The following ARHGAP42 variants were observed in gnomAD, a reference collection of about 807,000 sequenced individuals.
ARHGAP42 encodes Rho GTPase activating protein 42.
ARHGAP42 carries 63 observed loss-of-function variants against 125.0 expected under a neutral mutation model. The ratio of observed to expected loss-of-function variants is 0.50; its 90% confidence interval spans 0.41 to 0.62. ARHGAP42 has a LOEUF of 0.62. Ranked by LOEUF, ARHGAP42 falls within the 20% of genes least tolerant of loss-of-function variation. The probability of loss-of-function intolerance (pLI) is 0.00; values close to 1 mark genes in which losing one functional copy is unlikely to be tolerated. For missense variants in ARHGAP42, 766 were observed against 1,024.2 expected (o/e 0.75, Z 3.44); for synonymous variants, 339 against 351.0 (o/e 0.97, Z 0.38).
At chr11:100,741,304 TA>T (rs1480670656) in intron 1 of ARHGAP42, among the ~76,000 whole-genome samples, 1 of 152,192 alleles carries the variant, frequency 6.6e-6, no homozygotes, top group African/African-American at 2.4e-5. Context: ...GTGCTGGGAT[TA>T]CAGGCGTGAG....
rs990245832 is a variant in ARHGAP42 at position 100,988,444 on chromosome 11, A to G, written c.2537-269A>G. Among the ~76,000 whole-genome samples, 28 of 152,228 alleles carry G rather than the reference A, an allele frequency of 1.8e-4. 1 individual carries two copies. The highest frequency in any genetic ancestry group is 7.2e-5 in the African/African-American group (3 of 41,470). ...AATATATAGTATAACAACTATTTACATAGTATTTACATTGTAAAAGGAATT... is the reference window on the plus strand; with the variant it reads ...AATATATAGTATAACAACTATTTACGTAGTATTTACATTGTAAAAGGAATT... On this transcript the variant is annotated intron_variant, in intron 23 of 23. Transcript: ENST00000298815.
intron 1 of ARHGAP42, among the ~76,000 whole-genome samples, chr11:100,749,414 C>G (rs766118963): frequency 4.0e-5 from 6 of 151,322 alleles, no homozygotes; most frequent in Non-Finnish European, 7.4e-5. Context: ...AAGACTAAAC[C>G]CTCAAACCAG....
intron 19 of ARHGAP42, 99 bp downstream of exon 19, chr11:100,974,702 T>C: frequency 8.1e-7 from 1 of 1,238,102 alleles, no homozygotes; most frequent in Non-Finnish European, 1.1e-6. Flanking sequence ...ATGTTCTCAC[T>C]GATGCTCTTT....
chr11:100,754,786 T>C (rs1156850663), intron 1 of ARHGAP42, among the ~76,000 whole-genome samples: 1 of 152,206 alleles, frequency 6.6e-6, no homozygotes, highest in Non-Finnish European at 1.5e-5. Flanking sequence ...CTACGTAGCT[T>C]TATTCTGTTA....
At chr11:100,941,277 G>T (rs1187744851) in intron 8 of ARHGAP42, among the ~76,000 whole-genome samples, 1 of 152,080 alleles carries the variant, frequency 6.6e-6, no homozygotes, top group African/African-American at 2.4e-5. Context: ...AATGTGGGAG[G>T]CCACTCACTT....
chr11:100,843,965 A>G (rs763768593), intron 3 of ARHGAP42, among the ~76,000 whole-genome samples: 1 of 152,182 alleles, frequency 6.6e-6, no homozygotes, highest in Non-Finnish European at 1.5e-5. Flanking sequence ...TTCATATGGA[A>G]CCAAAAAAAT....
chr11:100,947,646 T>A (rs1331340606), intron 10 of ARHGAP42, among the ~76,000 whole-genome samples: 3 of 151,964 alleles, frequency 2.0e-5, no homozygotes, highest in African/African-American at 4.8e-5. Flanking sequence ...ATTATCTTGA[T>A]ATATATTCAA....
chr11:100,900,567 T>G (rs1239373658), intron 4 of ARHGAP42, among the ~76,000 whole-genome samples: 1 of 152,216 alleles, frequency 6.6e-6, no homozygotes, highest in Non-Finnish European at 1.5e-5. Context: ...GATTTGGTCT[T>G]TTCACATGGT....
intron 1 of ARHGAP42, among the ~76,000 whole-genome samples, chr11:100,711,394 G>T (rs751070456): frequency 6.6e-6 from 1 of 151,946 alleles, no homozygotes; most frequent in Non-Finnish European, 1.5e-5. Context: ...GGTCTCTGTC[G>T]CCCATGCTGG....
Position 100,941,827 on chromosome 11 carries a change from T to A in ARHGAP42, c.876T>A (p.Asp292Glu), listed in dbSNP as rs1310572509. 6.5e-7 allele frequency: 1 copy of A among 1,539,092 alleles called. No homozygotes were observed. The highest frequency in any genetic ancestry group is 8.7e-7 in the Non-Finnish European group (1 of 1,143,296). The change falls in exon 9 of 24, where the codon GAT becomes GAA. Residue 292 changes from aspartate to glutamate, a missense_variant. This residue lies in a region of ARHGAP42 where 455 missense variants were observed against 636.5 expected (regional missense o/e 0.71). Coordinates refer to ENST00000298815, the MANE Select transcript of ARHGAP42 (RefSeq NM_152432.4). ...FTWIKHYCTY[D>E]KGSKTFTMSV... is the part of the protein sequence containing the mutation. ...GGATTAAACATTATTGTACATATGA[T>A]AAGGGAAGTAAAACATTTACAATGA...
chr11:100,938,200 A>G (rs1430083125), intron 8 of ARHGAP42, among the ~76,000 whole-genome samples: 1 of 151,816 alleles, frequency 6.6e-6, no homozygotes, highest in Non-Finnish European at 1.5e-5. Context: ...TTGATTCCAT[A>G]CCTTCTCTCC....
chr11:100,920,698 T>A (rs2135242225), intron 5 of ARHGAP42, among the ~76,000 whole-genome samples: 1 of 152,258 alleles, frequency 6.6e-6, no homozygotes, highest in African/African-American at 2.4e-5. Context: ...GAAAATTAAA[T>A]CACCTCAGTA....
chr11:100,966,954 A>T (rs1397847483), intron 17 of ARHGAP42, among the ~76,000 whole-genome samples: 1 of 152,220 alleles, frequency 6.6e-6, no homozygotes, highest in African/African-American at 2.4e-5. Context: ...CATAATTAGT[A>T]ATAACCCAAT....
In ARHGAP42 at chr11:100,884,749, C is replaced by T. The variant is rs186643069; in HGVS notation, c.384+25124C>T. Among the ~76,000 whole-genome samples the T allele has an allele frequency of 4.2e-3, 646 of 152,104 alleles. 4 individuals are homozygous for T. Among genetic ancestry groups the T allele is most frequent in the African/African-American group, 0.015 (624 of 41,504 alleles). Reference sequence around the variant, plus strand: ...TTCTTTTATTTCTTTATGATTTTACCGTAATGAAATTTATCATTCGTATTT... The same window carrying T: ...TTCTTTTATTTCTTTATGATTTTACTGTAATGAAATTTATCATTCGTATTT... On this transcript the variant is annotated intron_variant, in intron 4 of 23. Transcript: ENST00000298815.
intron 1 of ARHGAP42, among the ~76,000 whole-genome samples, chr11:100,753,028 G>A (rs1426825779): frequency 6.6e-6 from 1 of 152,146 alleles, no homozygotes; most frequent in East Asian, 1.9e-4. Flanking sequence ...GATTGGGGCC[G>A]TAGGGCTCCC....
intron 3 of ARHGAP42, among the ~76,000 whole-genome samples, chr11:100,848,375 G>A (rs1219909423): frequency 6.6e-6 from 1 of 152,134 alleles, no homozygotes; most frequent in Non-Finnish European, 1.5e-5. Flanking sequence ...TCGACATTAT[G>A]TTTTGTTGTT....
chr11:100,855,168 T>C (rs959083071), intron 3 of ARHGAP42, among the ~76,000 whole-genome samples: 3 of 152,174 alleles, frequency 2.0e-5, no homozygotes, highest in Non-Finnish European at 4.4e-5. Context: ...GAAGTATTGC[T>C]TTAAATAGTA....
At chr11:100,935,625 A>G (rs1258750645) in intron 7 of ARHGAP42, among the ~76,000 whole-genome samples, 2 of 151,566 alleles carry the variant, frequency 1.3e-5, no homozygotes, top group African/African-American at 4.9e-5. Flanking sequence ...CCCCTAAGTA[A>G]TAATGTTAGA....
At position 100,992,127 on chromosome 11, in the gene ARHGAP42, G is replaced by C; in HGVS notation, c.*3326G>C. 1 of 638,230 alleles carries C rather than the reference G, an allele frequency of 1.6e-6. No individual in the cohort carries two copies. The highest frequency in any genetic ancestry group is 2.2e-5 in the South Asian group (1 of 45,624). 39.5% of individuals were successfully genotyped at this position (638,230 alleles called of 1,614,324 possible). A position where few individuals can be genotyped will look rare whatever the true frequency, so the allele number is the denominator to read the frequency against. On this transcript the variant is annotated 3_prime_UTR_variant, in exon 24 of 24. Transcript: ENST00000298815. Reference sequence around the variant, plus strand: ...GGTTTCAGTTTAGAAGAGTCCCTCAGAGCTTTGCCTCAAGCAATTTCAAAT... The same window carrying C: ...GGTTTCAGTTTAGAAGAGTCCCTCACAGCTTTGCCTCAAGCAATTTCAAAT...
Sources: allele counts gnomAD v4.1 joint callset (sites outside exome capture counted in the v4.1 genomes callset), GRCh38; gene constraint gnomAD v4.1.1; regional missense constraint gnomAD v4.1.1; transcripts MANE v1.5; gene names NCBI Gene and HGNC (gene_info 2026-07-23, HGNC 2026-07-21).